The following CNTN5 variants were observed in gnomAD, a reference collection of about 807,000 sequenced individuals.
The protein encoded by CNTN5 is contactin-5.
Under a neutral mutation model 129.1 loss-of-function variants are expected in CNTN5, and 77 were observed. The observed-to-expected ratio is 0.60, with a 90% CI of 0.50 to 0.72. CNTN5 has a LOEUF of 0.72. Ranked by LOEUF, CNTN5 falls within the 30% of genes least tolerant of loss-of-function variation. The probability of loss-of-function intolerance (pLI) is 0.00; values close to 1 mark genes in which losing one functional copy is unlikely to be tolerated. For missense variants in CNTN5, 1,478 were observed against 1,328.8 expected, an observed-to-expected ratio of 1.11 and a Z score of -1.75; for synonymous variants, 509 against 465.6, an observed-to-expected ratio of 1.09 and a Z score of -1.20.
intron 13 of CNTN5, among the ~76,000 whole-genome samples, chr11:100,089,233 G>A (rs375197387): frequency 2.0e-5 from 3 of 151,940 alleles, no homozygotes; most frequent in Non-Finnish European, 4.4e-5. Flanking sequence ...CTGGATGTTA[G>A]ACCTTTATCA....
chr11:99,727,035 G>A (rs1306482198), intron 3 of CNTN5, among the ~76,000 whole-genome samples: 10 of 151,264 alleles, frequency 6.6e-5, no homozygotes, highest in Non-Finnish European at 2.9e-5. Flanking sequence ...GGCCGGGCGC[G>A]GTGGCTCACG....
intron 1 of CNTN5, among the ~76,000 whole-genome samples, chr11:99,118,979 G>A (rs1858175208): frequency 6.6e-6 from 1 of 151,812 alleles, no homozygotes; most frequent in African/African-American, 2.4e-5. Context: ...TTTGGATTGA[G>A]TGAATATGCA....
At chr11:99,340,950 C>T (rs988359704) in intron 2 of CNTN5, among the ~76,000 whole-genome samples, 6 of 152,150 alleles carry the variant, frequency 3.9e-5, no homozygotes, top group Non-Finnish European at 8.8e-5. Context: ...TCTGCTGCTT[C>T]TCTAATCTCC....
chr11:99,129,026 A>C (rs1858797127), intron 1 of CNTN5, among the ~76,000 whole-genome samples: 1 of 152,204 alleles, frequency 6.6e-6, no homozygotes, highest in African/African-American at 2.4e-5. Context: ...AAATGCTGAA[A>C]ATTTCAAAAG....
chr11:99,225,367 T>TTTATTGGCCTTTTTCTGTTTGTTTCC (rs1335844918), intron 1 of CNTN5, among the ~76,000 whole-genome samples: 5 of 152,168 alleles, frequency 3.3e-5, no homozygotes, highest in Admixed American at 6.5e-5. Context: ...TGTTTGTTTC[T>TTTATTGGCCTTTTTCTGTTTGTTTCC]TTATTGGCCT....
chr11:100,086,049 T>C (rs1047553182), intron 13 of CNTN5, among the ~76,000 whole-genome samples: 19 of 151,916 alleles, frequency 1.3e-4, no homozygotes, highest in African/African-American at 4.3e-4. Context: ...ATAGACTATG[T>C]ATCAAAATGA....
intron 1 of CNTN5, among the ~76,000 whole-genome samples, chr11:99,177,091 A>T (rs1857812935): frequency 6.6e-6 from 1 of 152,148 alleles, no homozygotes. Flanking sequence ...TCCCAGTCCC[A>T]CTGTCTGGAA....
chr11:100,231,508 C>T (rs1177687645), intron 16 of CNTN5, among the ~76,000 whole-genome samples: 1 of 152,094 alleles, frequency 6.6e-6, no homozygotes, highest in African/African-American at 2.4e-5. Context: ...CAGAGGGACA[C>T]CGTATACTCT....
chr11:99,598,822 A>G (rs940604563), intron 3 of CNTN5, among the ~76,000 whole-genome samples: 1 of 152,002 alleles, frequency 6.6e-6, no homozygotes, highest in Non-Finnish European at 1.5e-5. Context: ...AATAATTTAT[A>G]TTTTAATATG....
chr11:99,165,703 C>A (rs1276967562), intron 1 of CNTN5, among the ~76,000 whole-genome samples: 2 of 152,080 alleles, frequency 1.3e-5, no homozygotes, highest in African/African-American at 4.8e-5. Flanking sequence ...CATTTTCCCA[C>A]TTTGTTTCAG....
chr11:99,326,629 T>C (rs1865796512), intron 2 of CNTN5, among the ~76,000 whole-genome samples: 1 of 152,212 alleles, frequency 6.6e-6, no homozygotes. Flanking sequence ...TTTCCATGTG[T>C]CTTTTATTCA....
intron 9 of CNTN5, among the ~76,000 whole-genome samples, chr11:100,019,927 A>T (rs1370551907): frequency 6.6e-6 from 1 of 151,892 alleles, no homozygotes; most frequent in Non-Finnish European, 1.5e-5. Flanking sequence ...ATACCTGTTG[A>T]CCATTTGTAC....
At chr11:100,270,955 G>A (rs548127773) in intron 17 of CNTN5, 137 bp from the exon 18 acceptor site, 1 of 631,974 alleles carries the variant, frequency 1.6e-6, no homozygotes, top group Non-Finnish European at 2.7e-6. Flanking sequence ...TGACACTGGA[G>A]GTGACACCAT....
At chr11:99,489,379 A>G (rs1434728307) in intron 2 of CNTN5, among the ~76,000 whole-genome samples, 2 of 152,226 alleles carry the variant, frequency 1.3e-5, no homozygotes, top group East Asian at 3.9e-4. Context: ...TGAAGCTGTT[A>G]AAACAATGAA....
chr11:99,381,023 G>A (rs1023924234), intron 2 of CNTN5, among the ~76,000 whole-genome samples: 1 of 152,050 alleles, frequency 6.6e-6, no homozygotes, highest in African/African-American at 2.4e-5. Flanking sequence ...AATATCTGGG[G>A]ATAGGACTCC....
At chr11:99,853,132 T>C (rs1244725432) in intron 6 of CNTN5, among the ~76,000 whole-genome samples, 2 of 152,062 alleles carry the variant, frequency 1.3e-5, no homozygotes, top group Admixed American at 6.6e-5. Context: ...GTAAAATATT[T>C]CACTGAGGGA....
chr11:100,230,209 A>C (rs776381352), intron 16 of CNTN5, among the ~76,000 whole-genome samples: 1 of 152,172 alleles, frequency 6.6e-6, no homozygotes, highest in African/African-American at 2.4e-5. Context: ...CTTCCTCTTA[A>C]AGAAAAGCTA....
At chr11:100,290,312 C>G (rs1049865866) in intron 18 of CNTN5, among the ~76,000 whole-genome samples, 1 of 152,002 alleles carries the variant, frequency 6.6e-6, no homozygotes, top group South Asian at 2.1e-4. Flanking sequence ...AATCCTAAGC[C>G]AAAAGAACAA....
intron 8 of CNTN5, among the ~76,000 whole-genome samples, chr11:99,975,546 T>TCA (rs1037934194): frequency 3.3e-5 from 5 of 152,126 alleles, no homozygotes; most frequent in African/African-American, 1.2e-4. Flanking sequence ...TTTAATTGAC[T>TCA]CACAGATCCA....
Sources: gnomAD v4.1 joint callset for allele counts (sites outside exome capture counted in the v4.1 genomes callset) on GRCh38, gnomAD v4.1.1 for gene constraint, MANE v1.5 for transcripts, NCBI Gene and HGNC (gene_info 2026-07-23, HGNC 2026-07-21) for gene names.